SDHC: variants seen among roughly 807,000 people sequenced by gnomAD.
SDHC encodes succinate dehydrogenase complex subunit C.
SDHC carries 11 observed loss-of-function variants against 22.6 expected under a neutral mutation model. That is an observed-to-expected ratio of 0.49 (90% CI 0.31 to 0.81). SDHC has a LOEUF of 0.81. SDHC is among the 30% of genes least tolerant of loss of function. SDHC has a pLI of 0.05. For missense variants in SDHC, 160 were observed against 212.0 expected (o/e 0.75, Z 1.52); for synonymous variants, 80 against 77.8 (o/e 1.03, Z -0.15).
At chr1:161,340,528 A>G (rs1220864182) in intron 3 of SDHC, 66 bp from the exon 4 acceptor site, 43 of 1,414,594 alleles carry the variant, frequency 3.0e-5, no homozygotes, top group Non-Finnish European at 3.8e-5. Flanking sequence ...ATTTTTGCCA[A>G]GATAGACTCT....
At chr1:161,356,880 G>T (rs1445683739) in intron 5 of SDHC, 40 bp downstream of exon 5, 4 of 1,590,646 alleles carry the variant, frequency 2.5e-6, no homozygotes. Context: ...TCTGTGAAGG[G>T]AGTGGGGAGA....
At chr1:161,333,401 CTTTT>C (rs71581410) in intron 3 of SDHC, among the ~76,000 whole-genome samples, 1 of 130,422 alleles carries the variant, frequency 7.7e-6, no homozygotes, top group Admixed American at 7.9e-5. Flanking sequence ...CTATGTTTAA[CTTTT>C]TTTTTTTTTT....
At chr1:161,317,666 A>G (rs1571834592) in intron 1 of SDHC, among the ~76,000 whole-genome samples, 1 of 144,314 alleles carries the variant, frequency 6.9e-6, no homozygotes, top group Non-Finnish European at 1.5e-5. Context: ...GGTTCAAGCG[A>G]TTCTCCTGGC....
intron 5 of SDHC, among the ~76,000 whole-genome samples, chr1:161,361,862 A>C (rs903489129): frequency 5.3e-5 from 8 of 151,784 alleles, no homozygotes; most frequent in African/African-American, 1.9e-4. Context: ...AAAAAAAAAA[A>C]AACTGTTTAG....
chr1:161,340,978 G>T (rs1217046328), intron 4 of SDHC, among the ~76,000 whole-genome samples: 1 of 152,096 alleles, frequency 6.6e-6, no homozygotes, highest in African/African-American at 2.4e-5. Flanking sequence ...TGAGTAGCTG[G>T]GATTACAGGC....
chr1:161,336,197 G>A (rs1671474616), intron 3 of SDHC, among the ~76,000 whole-genome samples: 1 of 152,160 alleles, frequency 6.6e-6, no homozygotes, highest in Non-Finnish European at 1.5e-5. Context: ...GGTGGCTCAT[G>A]CCTGTAATCC....
intron 3 of SDHC, among the ~76,000 whole-genome samples, chr1:161,328,862 T>C (rs375064147): frequency 4.3e-4 from 65 of 152,192 alleles, no homozygotes; most frequent in African/African-American, 1.4e-3. Context: ...ATATGGAAGG[T>C]ATATAGTATA....
chr1:161,357,025 G>C (rs1015213478), intron 5 of SDHC, among the ~76,000 whole-genome samples, 185 bp downstream of exon 5: 1 of 151,980 alleles, frequency 6.6e-6, no homozygotes, highest in Non-Finnish European at 1.5e-5. Flanking sequence ...CTGCCTCCTG[G>C]GTTCAAGAGA....
chr1:161,344,285 G>A (rs541540609), intron 4 of SDHC, among the ~76,000 whole-genome samples: 33 of 151,748 alleles, frequency 2.2e-4, no homozygotes, highest in African/African-American at 6.8e-4. Context: ...GCGAGACTCC[G>A]TCTCAAAAAA....
At chr1:161,327,651 T>C (rs554699076) in intron 2 of SDHC, among the ~76,000 whole-genome samples, 2 of 152,196 alleles carry the variant, frequency 1.3e-5, no homozygotes, top group Admixed American at 1.3e-4. Context: ...AACCTCTGCC[T>C]CCCGGGTTCA....
At chr1:161,362,204 G>A (rs1324772846) in intron 5 of SDHC, 125 bp from the exon 6 acceptor site, 6 of 1,189,542 alleles carry the variant, frequency 5.0e-6, no homozygotes, top group East Asian at 2.5e-5. Flanking sequence ...GGGTAGAAGC[G>A]CTTTTCTCTA....
At chr1:161,319,039 C>A (rs2102284151) in intron 1 of SDHC, among the ~76,000 whole-genome samples, 1 of 151,632 alleles carries the variant, frequency 6.6e-6, no homozygotes, top group African/African-American at 2.4e-5. Flanking sequence ...AGCAAAACTC[C>A]ATTTCAAAAA....
At chr1:161,345,702 C>T (rs60928728) in intron 4 of SDHC, among the ~76,000 whole-genome samples, 2,264 of 152,238 alleles carry the variant, frequency 0.015, 55 homozygotes, top group African/African-American at 0.052. Context: ...GTGATCCGCC[C>T]GCCTCGGCCT....
intron 5 of SDHC, 37 bp downstream of exon 5, chr1:161,356,877 A>C (rs1363753807): frequency 3.8e-6 from 6 of 1,597,956 alleles, no homozygotes; most frequent in Non-Finnish European, 5.1e-6. Flanking sequence ...TTCTCTGTGA[A>C]GGGAGTGGGG....
At chr1:161,338,281 AATTT>A (rs1229310673) in intron 3 of SDHC, among the ~76,000 whole-genome samples, 2 of 151,832 alleles carry the variant, frequency 1.3e-5, no homozygotes, top group African/African-American at 2.4e-5. Context: ...TAATATTTTT[AATTT>A]ATTTGGGAAT....
chr1:161,339,806 G>A (rs1266912533), intron 3 of SDHC, among the ~76,000 whole-genome samples: 5 of 150,306 alleles, frequency 3.3e-5, no homozygotes, highest in South Asian at 4.2e-4. Flanking sequence ...TCAGCCTCCC[G>A]AGTAACTGAG....
chr1:161,328,279 G>C lies in SDHC; in HGVS notation c.78-117G>C, dbSNP rs1671139945. ...GGCCTCCCAAAGAGCTGAGATTACAGGCCTGAGCAACCATGCCTGGCTTGG... is the reference window on the plus strand; with the variant it reads ...GGCCTCCCAAAGAGCTGAGATTACACGCCTGAGCAACCATGCCTGGCTTGG... On this transcript the variant is annotated intron_variant, in intron 2 of 5. Transcript: ENST00000367975. 7 of 834,116 alleles carry C rather than the reference G, an allele frequency of 8.4e-6. No homozygotes were observed. The Admixed American group carries it at 1.1e-4, about 13-fold the overall frequency. 51.7% of individuals were successfully genotyped at this position (834,116 alleles called of 1,614,324 possible).
At chr1:161,334,335 T>C (rs186982892) in intron 3 of SDHC, among the ~76,000 whole-genome samples, 1,890 of 152,212 alleles carry the variant, frequency 0.012, 20 homozygotes, top group Non-Finnish European at 0.021. Context: ...TTTTCTTTTT[T>C]CTCATTTCTC....
At chr1:161,321,960 ATATAATGATGTGACTGAAGGG>A (rs1471937580) in intron 1 of SDHC, among the ~76,000 whole-genome samples, 2 of 152,208 alleles carry the variant, frequency 1.3e-5, no homozygotes, top group Non-Finnish European at 2.9e-5. Flanking sequence ...TGACTGAAGG[ATATAATGATGTGACTGAAGGG>A]TATAATGGTC....
Sources: allele counts gnomAD v4.1 joint callset (sites outside exome capture counted in the v4.1 genomes callset), GRCh38; gene constraint gnomAD v4.1.1; transcripts MANE v1.5; gene names NCBI Gene and HGNC (gene_info 2026-07-23, HGNC 2026-07-21).